TUBGCP6: variants seen among roughly 807,000 people sequenced by gnomAD.
TUBGCP6 encodes the protein gamma-tubulin complex component 6.
In TUBGCP6, 161 loss-of-function variants were observed where a neutral mutation model predicts 175.8. That is an observed-to-expected ratio of 0.92 (90% CI 0.81 to 1.04). The LOEUF is 1.04. TUBGCP6 is among the 50% of genes least tolerant of loss of function. TUBGCP6 has a pLI of 0.00. For synonymous variants in TUBGCP6, 1,173 were observed against 1,030.5 expected (o/e 1.14, Z -2.65); for missense variants, 2,572 against 2,433.0 (o/e 1.06, Z -1.20).
Position 50,221,147 on chromosome 22 carries a change from G to A in TUBGCP6, c.3212C>T (p.Ala1071Val). ...IRVGENVSDV[A>V]PTQPRWNTHG... The stretch of plus-strand genomic sequence containing the variant: ...GGTGTTCCACCGTGGCTGGGTGGGA[G>A]CCACATCTGACACATTCTCCCCGAC... Residue 1071 changes from alanine (A) to valine (V), a missense_variant, in exon 16 of 25, where the codon GCT becomes GTT. Coordinates refer to ENST00000248846, the MANE Select transcript of TUBGCP6 (RefSeq NM_020461.4). 6.2e-7 allele frequency: 1 copy of A among 1,608,014 alleles called. No individual in the cohort carries two copies.
Position 50,226,197 on chromosome 22 carries a change from AG to A in TUBGCP6, c.1694-9del, listed in dbSNP as rs745353888. On this transcript the variant is annotated splice_polypyrimidine_tract_variant and intron_variant, in intron 8 of 24. Transcript: ENST00000248846. ...GTGTCCAGTACAACTTATCTAAGGTAGGGTGAACACCACGGTGGCCGGCATG... is the reference window on the plus strand; with the variant it reads ...GTGTCCAGTACAACTTATCTAAGGTAGGTGAACACCACGGTGGCCGGCATG... The A allele has an allele frequency of 2.5e-6, 4 of 1,614,100 alleles. No homozygotes were observed. Among genetic ancestry groups the A allele is most frequent in the African/African-American group, 1.3e-5 (1 of 75,040 alleles).
At position 50,219,982 on chromosome 22, in the gene TUBGCP6, G is replaced by C; in HGVS notation, c.4142C>G (p.Ser1381Cys). 3 of 1,614,044 alleles carry C rather than the reference G, an allele frequency of 1.9e-6. No homozygotes were observed. The highest frequency in any genetic ancestry group is 2.5e-6 in the Non-Finnish European group (3 of 1,179,968). Residue 1381 changes from serine (S) to cysteine (C), a missense_variant, in exon 17 of 25, where the codon TCT (serine) becomes TGT (cysteine). Physicochemically the swap from Ser to Cys is moderately radical, Grantham distance 112. Coordinates refer to ENST00000248846, the MANE Select transcript of TUBGCP6 (RefSeq NM_020461.4). ...CTGTGAGTTGAGAGGCCAATTTGGA[G>C]AGAGGTCCTCAGTGTCCCCGCTCCT... Reference protein sequence around the residue: ...PGRSGDTEDLSPNWPLNSQED... With the variant: ...PGRSGDTEDLCPNWPLNSQED...
At chr22:50,224,807 G>A (rs1376993065) in intron 10 of TUBGCP6, among the ~76,000 whole-genome samples, 1 of 152,100 alleles carries the variant, frequency 6.6e-6, no homozygotes, top group East Asian at 1.9e-4. Flanking sequence ...TTTGGCGGGG[G>A]TCAGGGGAGC....
At chr22:50,228,393 G>C (rs2064645306) in intron 4 of TUBGCP6, among the ~76,000 whole-genome samples, 1 of 151,984 alleles carries the variant, frequency 6.6e-6, no homozygotes, top group Admixed American at 6.6e-5. Flanking sequence ...AAAGGGGCTG[G>C]GGGGGAAATG....
intron 1 of TUBGCP6, 84 bp downstream of exon 1, chr22:50,243,629 AAAAAAG>A (rs1333606317): frequency 2.3e-5 from 26 of 1,143,950 alleles, no homozygotes; most frequent in South Asian, 9.0e-5. Flanking sequence ...AAAAAAAAAA[AAAAAAG>A]AAGAAGAAGA....
intron 5 of TUBGCP6, 47 bp downstream of exon 5, chr22:50,227,860 C>T: frequency 1.3e-6 from 2 of 1,555,338 alleles, no homozygotes; most frequent in Non-Finnish European, 1.7e-6. Context: ...GCAAGCCCCA[C>T]ACCGCTCCCG....
chr22:50,226,963 C>G (rs1229437588), intron 6 of TUBGCP6, 36 bp downstream of exon 6: 2 of 1,602,452 alleles, frequency 1.2e-6, no homozygotes, highest in South Asian at 1.1e-5. Context: ...CTGGAGCCCA[C>G]CAGGCTGACA....
intron 2 of TUBGCP6, 86 bp from the exon 3 acceptor site, chr22:50,233,612 G>T: frequency 7.8e-7 from 1 of 1,280,902 alleles, no homozygotes. Flanking sequence ...GAATGGGCAT[G>T]AACAGAAGAA....
At chr22:50,231,809 G>A (rs1314374252) in intron 3 of TUBGCP6, among the ~76,000 whole-genome samples, 13 of 145,908 alleles carry the variant, frequency 8.9e-5, no homozygotes, top group African/African-American at 2.3e-4. Flanking sequence ...GGAGTGAGCC[G>A]AGATCGCGCC....
Position 50,225,952 on chromosome 22 carries a change from G to A in TUBGCP6, c.1834-9C>T, listed in dbSNP as rs200515744. The stretch of plus-strand genomic sequence containing the variant: ...GACCAACAGAGGTAATGCTGCCAAA[G>A]GGGATGCAAGCACAGCCACCAGCAC... On this transcript the variant is annotated splice_polypyrimidine_tract_variant and intron_variant, in intron 9 of 24. Coordinates refer to ENST00000248846, the MANE Select transcript of TUBGCP6 (RefSeq NM_020461.4). 7.9e-5 allele frequency: 127 copies of A among 1,613,474 alleles called. 1 individual carries two copies. Among genetic ancestry groups the A allele is most frequent in the Middle Eastern group, 1.6e-4 (1 of 6,062 alleles).
chr22:50,240,539 TAAAC>T (rs923832930), intron 1 of TUBGCP6, among the ~76,000 whole-genome samples, 172 bp from the exon 2 acceptor site: 12 of 152,332 alleles, frequency 7.9e-5, no homozygotes, highest in Non-Finnish European at 1.0e-4. Flanking sequence ...TTTAAGGAAT[TAAAC>T]AAAATAAGTC....
At chr22:50,241,949 C>G (rs1232488467) in intron 1 of TUBGCP6, among the ~76,000 whole-genome samples, 1 of 133,472 alleles carries the variant, frequency 7.5e-6, no homozygotes, top group Non-Finnish European at 1.5e-5. Flanking sequence ...ACCCACAGAC[C>G]CTGTAGGGCT....
At chr22:50,240,963 T>C (rs957709389) in intron 1 of TUBGCP6, among the ~76,000 whole-genome samples, 1 of 152,198 alleles carries the variant, frequency 6.6e-6, no homozygotes, top group African/African-American at 2.4e-5. Flanking sequence ...CACTCCAGTC[T>C]GGGCGACAGA....
Position 50,233,507 on chromosome 22 carries a change from CCTCT to C in TUBGCP6, c.921_924del (p.Glu308SerfsTer4). 1.2e-6 allele frequency: 2 copies of C among 1,607,518 alleles called. No individual in the cohort carries two copies. The highest frequency in any genetic ancestry group is 1.3e-5 in the African/African-American group (1 of 74,890). On this transcript the variant is annotated frameshift_variant, in exon 3 of 25. Coordinates refer to ENST00000248846, the MANE Select transcript of TUBGCP6 (RefSeq NM_020461.4). LOFTEE classifies it high-confidence loss of function. ...CTTCCCGCCTCCGTCAGGTAAGGCTCCTCTCTGTGGCCAGGGGGGCTGCGAGGGG... is the reference window on the plus strand; with the variant it reads ...CTTCCCGCCTCCGTCAGGTAAGGCTCCTGTGGCCAGGGGGGCTGCGAGGGG...
At chr22:50,240,498 G>A in intron 1 of TUBGCP6, 131 bp from the exon 2 acceptor site, 3 of 1,105,526 alleles carry the variant, frequency 2.7e-6, no homozygotes, top group Admixed American at 2.4e-5. Flanking sequence ...AAGCGCATGT[G>A]TACCATACAA....
Position 50,218,495 on chromosome 22 carries a change from C to T in TUBGCP6, c.4947G>A (p.Lys1649=). ...WALKDVCFHL[K]RTALLSHMAG... is the part of the protein sequence containing the mutation. ...GCTCCAGCGGGGCCTCACCTGTGCG[C>T]TTGAGGTGGAAGCAGACGTCCTTGA... Residue 1649 remains lysine, a synonymous_variant, in exon 22 of 25, where the codon AAG becomes AAA. Transcript: ENST00000248846. 3 of 1,613,524 alleles carry T rather than the reference C, an allele frequency of 1.9e-6. No individual in the cohort carries two copies. In the South Asian group the frequency reaches 3.3e-5, roughly 18 times the overall value.
chr22:50,242,064 G>A (rs1275906586), intron 1 of TUBGCP6, among the ~76,000 whole-genome samples: 7 of 150,842 alleles, frequency 4.6e-5, no homozygotes, highest in African/African-American at 7.3e-5. Flanking sequence ...AGGCCGAGGC[G>A]GGCAGATCAC....
intron 16 of TUBGCP6, 90 bp from the exon 17 acceptor site, chr22:50,220,105 C>T: frequency 1.3e-6 from 2 of 1,554,094 alleles, no homozygotes; most frequent in African/African-American, 1.4e-5. Flanking sequence ...AGCAGCCCCT[C>T]CCATGTCCCC....
intron 2 of TUBGCP6, among the ~76,000 whole-genome samples, chr22:50,238,231 G>A (rs2147210659): frequency 6.6e-6 from 1 of 152,046 alleles, no homozygotes; most frequent in South Asian, 2.1e-4. Flanking sequence ...GCCTAATTAT[G>A]GTGAGCTGAA....
Sources: allele counts gnomAD v4.1 joint callset (sites outside exome capture counted in the v4.1 genomes callset), GRCh38; gene constraint gnomAD v4.1.1; transcripts MANE v1.5; gene names NCBI Gene and HGNC (gene_info 2026-07-23, HGNC 2026-07-21).